Variants in CSMD3 observed in about 807,000 individuals in gnomAD.
The protein encoded by CSMD3 is CUB and Sushi multiple domains 3.
A neutral mutation model predicts 435.2 loss-of-function variants in CSMD3; 177 were observed. The ratio of observed to expected loss-of-function variants is 0.41; its 90% CI spans 0.36 to 0.46. The LOEUF (loss-of-function observed/expected upper bound fraction) is 0.46. CSMD3 is among the 20% of genes least tolerant of loss of function. The pLI is 0.34. For missense variants in CSMD3, 4,265 were observed against 4,504.6 expected (o/e 0.95, Z 1.52); for synonymous variants, 1,656 against 1,520.5 (o/e 1.09, Z -2.07).
chr8:112,993,966 G>A (rs2085550065), intron 6 of CSMD3, among the ~76,000 whole-genome samples: 1 of 151,764 alleles, frequency 6.6e-6, no homozygotes, highest in South Asian at 2.1e-4. Flanking sequence ...AATCTATAGT[G>A]AAGTTTCAAG....
At chr8:113,093,520 C>T (rs1308946292) in intron 5 of CSMD3, among the ~76,000 whole-genome samples, 1 of 151,992 alleles carries the variant, frequency 6.6e-6, no homozygotes, top group Non-Finnish European at 1.5e-5. Flanking sequence ...GAAGTTATTG[C>T]TCATTTTGTA....
chr8:113,251,500 C>T lies in CSMD3; in HGVS notation c.514+27092G>A, dbSNP rs548644399. Among the ~76,000 whole-genome samples the T allele has an allele frequency of 2.0e-5, 3 of 151,362 alleles. No individual in the cohort carries two copies. The South Asian group carries it at 6.3e-4, about 32-fold the overall frequency. On this transcript the variant is annotated intron_variant, in intron 3 of 70. Coordinates refer to ENST00000297405, the MANE Select transcript of CSMD3 (RefSeq NM_198123.2). ...TACTATTAAAGTTAATATCACCTTC[C>T]TTATTAAGACATAAAAAATGTCTTA... is the stretch of plus-strand genomic sequence containing the variant.
chr8:112,574,260 T>C (rs1032968521), intron 23 of CSMD3, among the ~76,000 whole-genome samples: 9 of 152,052 alleles, frequency 5.9e-5, no homozygotes, highest in African/African-American at 2.2e-4. Flanking sequence ...TAACTGCTTA[T>C]TGCACTCTAA....
intron 11 of CSMD3, among the ~76,000 whole-genome samples, chr8:112,830,498 T>A (rs571792173): frequency 9.9e-5 from 15 of 152,202 alleles, no homozygotes; most frequent in African/African-American, 3.6e-4. Context: ...ATTGCAATTT[T>A]AAAAATAGCT....
intron 10 of CSMD3, among the ~76,000 whole-genome samples, chr8:112,884,628 A>G (rs1465473931): frequency 6.6e-6 from 1 of 151,594 alleles, no homozygotes; most frequent in Non-Finnish European, 1.5e-5. Context: ...CCCAGCTGTC[A>G]GAATCCAGCC....
In CSMD3 at chr8:112,287,208, C is replaced by G; in HGVS notation, c.9187G>C (p.Gly3063Arg). 6.2e-7 allele frequency: 1 copy of G among 1,613,608 alleles called. No homozygotes were observed. Among genetic ancestry groups the G allele is most frequent in the Non-Finnish European group, 8.5e-7 (1 of 1,179,788 alleles). Residue 3063 changes from glycine (G) to arginine (R), a missense_variant, in exon 58 of 71, where the codon GGC (glycine) becomes CGC (arginine). Physicochemically the swap from Gly to Arg is moderately radical, Grantham distance 125. Coordinates refer to ENST00000297405, the MANE Select transcript of CSMD3 (RefSeq NM_198123.2). ...TGTCGDPGTP[G>R]HGSRQESNFR... The stretch of plus-strand genomic sequence containing the variant: ...TTGCTTTCCTGTCTAGAGCCATGGC[C>G]GGGAGTACCTGGATCGCCACATGTC...
intron 4 of CSMD3, among the ~76,000 whole-genome samples, chr8:113,118,594 C>T (rs189834757): frequency 1.4e-5 from 2 of 147,672 alleles, no homozygotes; most frequent in East Asian, 4.0e-4. Flanking sequence ...CCCAGTAGGT[C>T]GAGGTTGCAG....
chr8:112,714,425 A>G (rs963502086), intron 13 of CSMD3, among the ~76,000 whole-genome samples: 3 of 152,126 alleles, frequency 2.0e-5, no homozygotes, highest in Non-Finnish European at 4.4e-5. Context: ...GATTCATAAA[A>G]CAAGTTCTTA....
chr8:112,566,589 T>C (rs1191130472), intron 24 of CSMD3, among the ~76,000 whole-genome samples: 4 of 152,102 alleles, frequency 2.6e-5, no homozygotes, highest in Non-Finnish European at 5.9e-5. Flanking sequence ...TTTTCTTTTC[T>C]AACAAAGAGC....
Position 112,265,497 on chromosome 8 carries a change from G to T in CSMD3, c.9602C>A (p.Pro3201Gln), listed in dbSNP as rs1816856044. The change falls in exon 60 of 71, where the codon CCA (proline) becomes CAA (glutamine). Residue 3201 changes from proline to glutamine, a missense_variant. Physicochemically the swap from Pro to Gln is moderately conservative, Grantham distance 76 (BLOSUM62 -1). Transcript: ENST00000297405. ...GCCATTCAATTCCATCGTGTAGCCT[G>T]GCTGGCACATGTAAGAAACATTTTG... ...VGQNVSYMCQPGYTMELNGSR... is the reference protein window; with the variant it reads ...VGQNVSYMCQQGYTMELNGSR... The T allele has an allele frequency of 6.2e-7, 1 of 1,613,438 alleles. No individual in the cohort carries two copies. The highest frequency in any genetic ancestry group is 1.3e-5 in the African/African-American group (1 of 74,868).
At chr8:113,136,943 A>G (rs1017264996) in intron 4 of CSMD3, among the ~76,000 whole-genome samples, 3 of 151,768 alleles carry the variant, frequency 2.0e-5, no homozygotes, top group Non-Finnish European at 4.4e-5. Context: ...TATTCTCTGG[A>G]TAAAACAGAG....
rs746723207 is a variant in CSMD3 at position 113,314,647 on chromosome 8, A to G, written c.325T>C (p.Ser109Pro). The change falls in exon 2 of 71, where the codon TCA becomes CCA. Residue 109 changes from serine to proline, a missense_variant. Ser to Pro is a moderately conservative substitution (Grantham distance 74, BLOSUM62 -1). Around this residue, in one of 3 missense-constraint regions of CSMD3, gnomAD observed 731 missense variants for 755.4 expected, o/e 0.97. Transcript: ENST00000297405. ...ERNRIQIVFQ[S>P]FALEEEYDYL... ...TCGTATTCTTCTTCTAGAGCAAATG[A>G]CTGAAAAACAATTTGTATTCTATTT... 3.7e-6 allele frequency: 6 copies of G among 1,611,114 alleles called. No homozygotes were observed. The highest frequency in any genetic ancestry group is 8.5e-7 in the Non-Finnish European group (1 of 1,177,496).
chr8:113,060,656 T>G (rs2088573241), intron 5 of CSMD3, among the ~76,000 whole-genome samples: 1 of 152,128 alleles, frequency 6.6e-6, no homozygotes, highest in Admixed American at 6.6e-5. Flanking sequence ...ATACTCTATT[T>G]TACAAAAAAT....
intron 5 of CSMD3, among the ~76,000 whole-genome samples, chr8:113,061,485 G>C (rs2088609900): frequency 6.6e-6 from 1 of 152,066 alleles, no homozygotes; most frequent in Non-Finnish European, 1.5e-5. Flanking sequence ...ATGAGGCTGA[G>C]AGAAAACAAA....
At chr8:112,934,322 T>C (rs983497790) in intron 9 of CSMD3, among the ~76,000 whole-genome samples, 3 of 152,166 alleles carry the variant, frequency 2.0e-5, no homozygotes, top group Non-Finnish European at 2.9e-5. Flanking sequence ...CCTCTATTCC[T>C]TACTGGCTAA....
At chr8:112,612,297 T>C (rs1444364797) in intron 22 of CSMD3, among the ~76,000 whole-genome samples, 1 of 152,160 alleles carries the variant, frequency 6.6e-6, no homozygotes, top group Non-Finnish European at 1.5e-5. Flanking sequence ...TGCATGGATG[T>C]AAATAAAAAA....
At chr8:112,579,808 T>A (rs949863909) in intron 23 of CSMD3, among the ~76,000 whole-genome samples, 2 of 152,056 alleles carry the variant, frequency 1.3e-5, no homozygotes, top group Non-Finnish European at 2.9e-5. Flanking sequence ...CCTTTGAGTA[T>A]CTAATTTTTC....
chr8:112,532,340 A>G (rs1266913228), intron 27 of CSMD3, among the ~76,000 whole-genome samples: 1 of 152,170 alleles, frequency 6.6e-6, no homozygotes, highest in African/African-American at 2.4e-5. Flanking sequence ...TTAGAGAAAA[A>G]TATGAATATC....
chr8:113,155,605 G>A (rs893529654), intron 4 of CSMD3, among the ~76,000 whole-genome samples: 1 of 152,012 alleles, frequency 6.6e-6, no homozygotes, highest in African/African-American at 2.4e-5. Context: ...GATTGAAGTA[G>A]AAGTACAGTT....
Sources: allele counts gnomAD v4.1 joint callset (sites outside exome capture counted in the v4.1 genomes callset), GRCh38; gene constraint gnomAD v4.1.1; regional missense constraint gnomAD v4.1.1; transcripts MANE v1.5; gene names NCBI Gene and HGNC (gene_info 2026-07-23, HGNC 2026-07-21).